Variants in KCNK10 observed in about 807,000 individuals in gnomAD.
KCNK10 encodes the protein potassium two pore domain channel subfamily K member 10.
A neutral mutation model predicts 47.7 loss-of-function variants in KCNK10; 25 were observed. The ratio of observed to expected loss-of-function variants is 0.52; its 90% CI spans 0.38 to 0.73. The LOEUF is 0.73. Among genes scored for constraint, KCNK10 ranks in the 30% least tolerant of loss-of-function variants. The probability of loss-of-function intolerance (pLI) is 0.00; values close to 1 mark genes in which losing one functional copy is unlikely to be tolerated. For missense variants in KCNK10, 563 were observed against 714.5 expected (o/e 0.79, Z 2.42); for synonymous variants, 303 against 285.6 (o/e 1.06, Z -0.61).
intron 4 of KCNK10, among the ~76,000 whole-genome samples, chr14:88,207,383 C>T (rs1885315250): frequency 6.6e-6 from 1 of 152,016 alleles, no homozygotes; most frequent in Non-Finnish European, 1.5e-5. Context: ...ACCATGTTAG[C>T]CAGGATGGTC....
chr14:88,192,424 A>G lies in KCNK10; in HGVS notation c.682-14T>C. 6.2e-7 allele frequency: 1 copy of G among 1,610,868 alleles called. No individual in the cohort carries two copies. ...CACTTGCTTTTTCTAGGAAGAGCAA[A>G]GGAGAAAGATAGGCAAGTCAGCGGC... On this transcript the variant is annotated splice_polypyrimidine_tract_variant and intron_variant, in intron 4 of 6. Coordinates refer to ENST00000319231, the MANE Select transcript of KCNK10 (RefSeq NM_138317.3).
chr14:88,236,316 CAAA>C (rs3056657), intron 3 of KCNK10, among the ~76,000 whole-genome samples: 6 of 146,058 alleles, frequency 4.1e-5, no homozygotes, highest in East Asian at 2.0e-4. Flanking sequence ...GACCCAGTCT[CAAA>C]AAAAAAAAAA....
At chr14:88,198,146 G>A (rs188304243) in intron 4 of KCNK10, among the ~76,000 whole-genome samples, 1 of 152,140 alleles carries the variant, frequency 6.6e-6, no homozygotes, top group Non-Finnish European at 1.5e-5. Context: ...TGTAATGGAC[G>A]ACCTTTAAAT....
chr14:88,245,558 G>T (rs991853560), intron 2 of KCNK10, among the ~76,000 whole-genome samples: 2 of 152,180 alleles, frequency 1.3e-5, no homozygotes, highest in Non-Finnish European at 2.9e-5. Context: ...CATCATGAGC[G>T]TTAGTGCTGC....
chr14:88,326,610 C>G, upstream of KCNK10: 1 of 618,556 alleles, frequency 1.6e-6, no homozygotes, highest in Non-Finnish European at 2.8e-6. Context: ...TCTCCCTGCA[C>G]TCGCCGGCCC....
intron 1 of KCNK10, among the ~76,000 whole-genome samples, chr14:88,318,638 C>T (rs531500922): frequency 6.6e-6 from 1 of 152,272 alleles, no homozygotes; most frequent in Admixed American, 6.5e-5. Flanking sequence ...CAAAGGCCCT[C>T]AGACAGATGC....
chr14:88,326,292 G>A (rs941833886), upstream of KCNK10: 5 of 738,628 alleles, frequency 6.8e-6, no homozygotes, highest in African/African-American at 1.8e-5. Flanking sequence ...ATTTGGAGTG[G>A]ACTGCATGGA....
intron 2 of KCNK10, among the ~76,000 whole-genome samples, chr14:88,247,423 T>G (rs1346966494): frequency 6.6e-6 from 1 of 152,000 alleles, no homozygotes; most frequent in Non-Finnish European, 1.5e-5. Flanking sequence ...GACCAGACCA[T>G]AAAAAGGTAA....
chr14:88,293,181 T>C (rs574119282), intron 1 of KCNK10, among the ~76,000 whole-genome samples: 2 of 152,318 alleles, frequency 1.3e-5, no homozygotes, highest in South Asian at 2.1e-4. Context: ...TTTAATAAAC[T>C]AGTTAAATGG....
chr14:88,194,050 T>A (rs980373802), intron 4 of KCNK10, among the ~76,000 whole-genome samples: 1 of 152,172 alleles, frequency 6.6e-6, no homozygotes, highest in African/African-American at 2.4e-5. Context: ...AGGCATCTGG[T>A]ATATAAAATG....
At chr14:88,235,287 G>A in intron 3 of KCNK10, 1 of 455,172 alleles carries the variant, frequency 2.2e-6, no homozygotes, top group Non-Finnish European at 4.4e-6. Flanking sequence ...CCTGGGGCCA[G>A]GTATTTTAAA....
At chr14:88,297,508 T>C (rs1022207095) in intron 1 of KCNK10, among the ~76,000 whole-genome samples, 2 of 152,230 alleles carry the variant, frequency 1.3e-5, no homozygotes, top group African/African-American at 4.8e-5. Flanking sequence ...TCCTATTAGC[T>C]AGGAGACAGC....
At chr14:88,285,437 T>C (rs1279182656) in intron 1 of KCNK10, among the ~76,000 whole-genome samples, 1 of 152,190 alleles carries the variant, frequency 6.6e-6, no homozygotes, top group East Asian at 1.9e-4. Flanking sequence ...TTAACTATCA[T>C]TAGAGGTTGT....
chr14:88,244,204 C>T (rs1373100978), intron 2 of KCNK10, among the ~76,000 whole-genome samples: 2 of 152,074 alleles, frequency 1.3e-5, no homozygotes, highest in East Asian at 1.9e-4. Flanking sequence ...TCAGCAAACT[C>T]GGGTTATAAC....
At chr14:88,232,365 T>G (rs1442619575) in intron 3 of KCNK10, among the ~76,000 whole-genome samples, 1 of 152,246 alleles carries the variant, frequency 6.6e-6, no homozygotes, top group Non-Finnish European at 1.5e-5. Flanking sequence ...TCACGGTTCC[T>G]CTTTCCTGAC....
rs1377452868 is a variant in KCNK10 at position 88,246,111 on chromosome 14, C to T, written c.403-5291G>A. ...ATTTTTAGTAGAGACGGGGTTTCAC[C>T]GTGTTAGCCAGGATGGTGGCGGGCG... On this transcript the variant is annotated intron_variant, in intron 2 of 6. Transcript: ENST00000319231. 4.0e-5 allele frequency among the ~76,000 whole-genome samples: 6 copies of T among 151,702 alleles called. No individual in the cohort carries two copies. In the East Asian group the frequency reaches 9.7e-4, roughly 24 times the overall value.
chr14:88,206,280 AG>A (rs1885272949), intron 4 of KCNK10, among the ~76,000 whole-genome samples: 1 of 152,294 alleles, frequency 6.6e-6, no homozygotes, highest in Non-Finnish European at 1.5e-5. Flanking sequence ...TCACAACTGG[AG>A]GGGCACGTTT....
intron 1 of KCNK10, among the ~76,000 whole-genome samples, chr14:88,303,905 G>A (rs1031930466): frequency 2.6e-5 from 4 of 152,060 alleles, no homozygotes; most frequent in African/African-American, 4.8e-5. Flanking sequence ...CCTCCTTCAC[G>A]CTTTCACAGA....
intron 1 of KCNK10, among the ~76,000 whole-genome samples, chr14:88,281,497 C>T (rs1887647941): frequency 1.3e-5 from 2 of 152,106 alleles, no homozygotes; most frequent in South Asian, 4.1e-4. Context: ...GGCTGACCTT[C>T]CCCTGAGTAA....
Sources: gnomAD v4.1 joint callset for allele counts (sites outside exome capture counted in the v4.1 genomes callset) on GRCh38, gnomAD v4.1.1 for gene constraint, MANE v1.5 for transcripts, NCBI Gene and HGNC (gene_info 2026-07-23, HGNC 2026-07-21) for gene names.